SLC9C1: variants seen among roughly 807,000 people sequenced by gnomAD.
SLC9C1 encodes the protein sodium/hydrogen exchanger 10.
Under a neutral mutation model 140.9 loss-of-function variants are expected in SLC9C1, and 97 were observed. The ratio of observed to expected loss-of-function variants is 0.69; its 90% CI spans 0.58 to 0.82. The LOEUF (loss-of-function observed/expected upper bound fraction) is 0.82, where lower values mean the gene tolerates loss of function less well. Among genes scored for constraint, SLC9C1 ranks in the 40% least tolerant of loss-of-function variants. The probability of loss-of-function intolerance (pLI) is 0.00; values close to 1 mark genes in which losing one functional copy is unlikely to be tolerated. For synonymous variants in SLC9C1, 440 were observed against 442.6 expected (o/e 0.99, Z 0.07); for missense variants, 1,340 against 1,389.3 (o/e 0.96, Z 0.56).
At chr3:112,244,438 C>G (rs56335350) in intron 10 of SLC9C1, among the ~76,000 whole-genome samples, 2,200 of 152,288 alleles carry the variant, frequency 0.014, 56 homozygotes, top group African/African-American at 0.05. Flanking sequence ...ACTATACAAA[C>G]CTGGCTGTGC....
chr3:112,215,531 G>A (rs1392773831), intron 15 of SLC9C1, among the ~76,000 whole-genome samples: 1 of 152,052 alleles, frequency 6.6e-6, no homozygotes, highest in African/African-American at 2.4e-5. Context: ...AAAAATCAAT[G>A]TACAAAAATC....
rs1560024258 is a variant in SLC9C1 at position 112,168,856 on chromosome 3, CAG to C, written c.3237+19_3237+20del. ...GACATATGGCATATTGATCTGAAGA[CAG>C]GAATCAATATTTCTTTACCTGATGG... On this transcript the variant is annotated intron_variant, in intron 25 of 28. Coordinates refer to ENST00000305815, the MANE Select transcript of SLC9C1 (RefSeq NM_183061.3). 1 of 1,548,236 alleles carries C rather than the reference CAG, an allele frequency of 6.5e-7. No individual in the cohort carries two copies. Among genetic ancestry groups the C allele is most frequent in the Non-Finnish European group, 8.7e-7 (1 of 1,149,576 alleles).
At position 112,294,108 on chromosome 3, in the gene SLC9C1, G is replaced by A. The variant is rs948072277; in HGVS notation, c.-103C>T. 3.3e-5 allele frequency: 5 copies of A among 152,206 alleles called. No individual in the cohort carries two copies. The highest frequency in any genetic ancestry group is 1.2e-4 in the African/African-American group (5 of 41,422). The allele number at this position is 152,206 out of a possible 1,614,324, so 9.4% of individuals were successfully genotyped here. On this transcript the variant is annotated 5_prime_UTR_variant, in exon 1 of 29. Coordinates refer to ENST00000305815, the MANE Select transcript of SLC9C1 (RefSeq NM_183061.3). The stretch of plus-strand genomic sequence containing the variant: ...GAGAGCTCACCATCCGGAGCCTCAG[G>A]AGGAGTATCCCGTGGTGTGCAAGTG...
In SLC9C1 at chr3:112,169,033, G is replaced by A; in HGVS notation, c.3081C>T (p.Leu1027=). ...GTATATCTACTACATAAATATTAGAGAGCTTTAGTTGCATATTGTAGTTCC... is the reference window on the plus strand; with the variant it reads ...GTATATCTACTACATAAATATTAGAAAGCTTTAGTTGCATATTGTAGTTCC... ...EDWNYNMQLK[L]SNIYVVDIPM... Residue 1027 remains leucine (L), a synonymous_variant, in exon 25 of 29, where the codon CTC becomes CTT. Coordinates refer to ENST00000305815, the MANE Select transcript of SLC9C1 (RefSeq NM_183061.3). 3 of 1,596,200 alleles carry A rather than the reference G, an allele frequency of 1.9e-6. No individual in the cohort carries two copies. Among genetic ancestry groups the A allele is most frequent in the South Asian group, 2.3e-5 (2 of 86,530 alleles).
chr3:112,268,525 G>T (rs2079984630), intron 7 of SLC9C1, among the ~76,000 whole-genome samples: 1 of 152,058 alleles, frequency 6.6e-6, no homozygotes, highest in African/African-American at 2.4e-5. Context: ...AATACAAAAA[G>T]AATCAAATTT....
chr3:112,199,297 T>A (rs776670823), intron 20 of SLC9C1, 24 bp downstream of exon 20: 16 of 1,518,188 alleles, frequency 1.1e-5, no homozygotes, highest in Admixed American at 2.1e-5. Flanking sequence ...TAAATATACT[T>A]GCTTTGAAAA....
At chr3:112,257,448 G>A (rs1234724521) in intron 10 of SLC9C1, among the ~76,000 whole-genome samples, 1 of 152,100 alleles carries the variant, frequency 6.6e-6, no homozygotes, top group Non-Finnish European at 1.5e-5. Context: ...AAGCAATAGG[G>A]AAAGGACTCC....
chr3:112,146,954 A>T (rs754101371), intron 28 of SLC9C1, among the ~76,000 whole-genome samples: 2 of 152,186 alleles, frequency 1.3e-5, no homozygotes, highest in African/African-American at 4.8e-5. Flanking sequence ...ACCTAGAAGT[A>T]TGTGTTTTAT....
chr3:112,243,363 G>A (rs140997198), intron 11 of SLC9C1, among the ~76,000 whole-genome samples: 9 of 152,276 alleles, frequency 5.9e-5, no homozygotes, highest in East Asian at 1.9e-4. Flanking sequence ...GCCCTTTGCC[G>A]CAACATGGAT....
At chr3:112,233,073 T>C (rs1222869403) in intron 12 of SLC9C1, among the ~76,000 whole-genome samples, 3 of 136,374 alleles carry the variant, frequency 2.2e-5, no homozygotes, top group Non-Finnish European at 4.6e-5. Flanking sequence ...ATATATTATA[T>C]TTTTTTTTTT....
chr3:112,242,482 A>G (rs1358265310), intron 11 of SLC9C1, among the ~76,000 whole-genome samples: 1 of 152,182 alleles, frequency 6.6e-6, no homozygotes, highest in Middle Eastern at 3.2e-3. Context: ...AATTAAAACA[A>G]TTAAACTTAT....
At chr3:112,161,495 C>T (rs781200643) in intron 26 of SLC9C1, among the ~76,000 whole-genome samples, 1 of 152,152 alleles carries the variant, frequency 6.6e-6, no homozygotes, top group Non-Finnish European at 1.5e-5. Context: ...ATATGGCTAG[C>T]CAGTTTTCCC....
intron 23 of SLC9C1, among the ~76,000 whole-genome samples, chr3:112,170,824 TA>T (rs2077232208): frequency 1.3e-5 from 2 of 152,218 alleles, no homozygotes; most frequent in African/African-American, 2.4e-5. Flanking sequence ...TTAACTTTTG[TA>T]AGCAACTGAC....
chr3:112,204,340 A>G lies in SLC9C1; in HGVS notation c.2050T>C (p.Leu684=), dbSNP rs755464302. The G allele has an allele frequency of 1.3e-6, 2 of 1,573,890 alleles. No individual in the cohort carries two copies. The highest frequency in any genetic ancestry group is 1.9e-5 in the Admixed American group (1 of 51,476). The change falls in exon 17 of 29, where the codon TTA becomes CTA. Residue 684 remains leucine (L), a synonymous_variant. Transcript: ENST00000305815. ...AWNIFELAIT[L]IGILHVILIE... ...AGTATTACATGTAAGATGCCAATTAATGTAATTGCTAACTCGAATATGTTC... is the reference window on the plus strand; with the variant it reads ...AGTATTACATGTAAGATGCCAATTAGTGTAATTGCTAACTCGAATATGTTC...
At chr3:112,197,760 A>T (rs2077803354) in intron 20 of SLC9C1, among the ~76,000 whole-genome samples, 1 of 152,168 alleles carries the variant, frequency 6.6e-6, no homozygotes, top group African/African-American at 2.4e-5. Flanking sequence ...TTAATAAATT[A>T]ATTTTTGAGC....
At chr3:112,197,946 A>G (rs1167169411) in intron 20 of SLC9C1, among the ~76,000 whole-genome samples, 1 of 152,076 alleles carries the variant, frequency 6.6e-6, no homozygotes, top group Non-Finnish European at 1.5e-5. Flanking sequence ...GCTTTTGTAA[A>G]CAGTATTTTT....
At chr3:112,228,491 A>C (rs535911504) in intron 13 of SLC9C1, among the ~76,000 whole-genome samples, 3 of 152,218 alleles carry the variant, frequency 2.0e-5, no homozygotes, top group African/African-American at 7.2e-5. Flanking sequence ...TCATGGCTAC[A>C]GTCTCAAAAG....
intron 10 of SLC9C1, among the ~76,000 whole-genome samples, chr3:112,260,123 T>C (rs59043683): frequency 1.3e-5 from 2 of 152,068 alleles, no homozygotes; most frequent in African/African-American, 4.8e-5. Context: ...CAATTATAAT[T>C]TATCTATTTC....
At chr3:112,195,876 G>C (rs1449549464) in intron 20 of SLC9C1, among the ~76,000 whole-genome samples, 2 of 152,022 alleles carry the variant, frequency 1.3e-5, no homozygotes, top group African/African-American at 2.4e-5. Flanking sequence ...ACTAATAACT[G>C]TTTTTAGTAG....
Sources: allele counts gnomAD v4.1 joint callset (sites outside exome capture counted in the v4.1 genomes callset), GRCh38; gene constraint gnomAD v4.1.1; transcripts MANE v1.5; gene names NCBI Gene and HGNC (gene_info 2026-07-23, HGNC 2026-07-21).